ATP8A2: variants seen among roughly 807,000 people sequenced by gnomAD.
The protein encoded by ATP8A2 is phospholipid-transporting ATPase IB.
Under a neutral mutation model 165.6 loss-of-function variants are expected in ATP8A2, and 100 were observed. The observed-to-expected ratio is 0.60, with a 90% CI of 0.51 to 0.71. ATP8A2 has a LOEUF of 0.71. Among genes scored for constraint, ATP8A2 ranks in the 30% least tolerant of loss-of-function variants. The probability of loss-of-function intolerance (pLI) is 0.00; values close to 1 mark genes in which losing one functional copy is unlikely to be tolerated. For synonymous variants in ATP8A2, 543 were observed against 548.8 expected, an observed-to-expected ratio of 0.99 and a Z score of 0.15; for missense variants, 1,227 against 1,479.5, an observed-to-expected ratio of 0.83 and a Z score of 2.80.
chr13:25,654,377 G>A (rs569740905), intron 24 of ATP8A2, among the ~76,000 whole-genome samples: 22 of 152,088 alleles, frequency 1.4e-4, no homozygotes, highest in Non-Finnish European at 2.8e-4. Flanking sequence ...ACTAATATTT[G>A]TAATTTTTAT....
At chr13:25,494,883 G>T (rs2036628267) in intron 2 of ATP8A2, among the ~76,000 whole-genome samples, 1 of 152,182 alleles carries the variant, frequency 6.6e-6, no homozygotes, top group African/African-American at 2.4e-5. Flanking sequence ...CCGGAGCTTT[G>T]CAATGTCCTT....
At chr13:25,701,437 A>G (rs943862466) in intron 25 of ATP8A2, among the ~76,000 whole-genome samples, 8 of 152,084 alleles carry the variant, frequency 5.3e-5, no homozygotes, top group African/African-American at 1.9e-4. Flanking sequence ...TCCACACTGG[A>G]GGTTGTTACT....
At chr13:25,895,516 C>A (rs1228851698) in intron 33 of ATP8A2, among the ~76,000 whole-genome samples, 8 of 151,646 alleles carry the variant, frequency 5.3e-5, no homozygotes, top group Non-Finnish European at 7.4e-5. Flanking sequence ...TGTCTCTGCC[C>A]GGCTTTGGTA....
At chr13:25,541,822 G>T (rs781639075) in intron 8 of ATP8A2, 97 bp from the exon 9 acceptor site, 16 of 1,320,256 alleles carry the variant, frequency 1.2e-5, no homozygotes, top group Non-Finnish European at 1.7e-5. Flanking sequence ...CACTGGAGAT[G>T]CCTTATTTTT....
chr13:25,699,199 C>T lies in ATP8A2; in HGVS notation c.2238C>T (p.His746=). The T allele has an allele frequency of 6.2e-7, 1 of 1,609,986 alleles. No individual in the cohort carries two copies. The highest frequency in any genetic ancestry group is 8.5e-7 in the Non-Finnish European group (1 of 1,177,962). The change falls in exon 25 of 37, where the codon CAC becomes CAT. Residue 746 remains histidine, a synonymous_variant. Coordinates refer to ENST00000381655, the MANE Select transcript of ATP8A2 (RefSeq NM_016529.6). ...CCACAAGGGCAGCCATTACTCAGCA[C>T]TGCACTGACCTTGGGAATTTGCTGG... ...LDATRAAITQ[H]CTDLGNLLGK... is the part of the protein sequence containing the mutation.
intron 30 of ATP8A2, among the ~76,000 whole-genome samples, chr13:25,844,516 A>G (rs184946109): frequency 1.3e-5 from 2 of 152,180 alleles, no homozygotes; most frequent in Non-Finnish European, 2.9e-5. Flanking sequence ...GGTGTGAGCC[A>G]ATGCACCTGG....
At chr13:25,784,949 G>C (rs965297784) in intron 27 of ATP8A2, among the ~76,000 whole-genome samples, 4 of 151,676 alleles carry the variant, frequency 2.6e-5, no homozygotes, top group African/African-American at 4.8e-5. Context: ...TTTTTTAATA[G>C]AGATGGGGTT....
intron 2 of ATP8A2, among the ~76,000 whole-genome samples, chr13:25,511,165 G>A (rs2037212346): frequency 1.3e-5 from 2 of 152,182 alleles, no homozygotes; most frequent in Admixed American, 6.5e-5. Context: ...GTGAGGCAGT[G>A]TATCATGTTT....
chr13:25,789,773 C>G (rs2045120327), intron 27 of ATP8A2, among the ~76,000 whole-genome samples: 1 of 152,166 alleles, frequency 6.6e-6, no homozygotes, highest in Non-Finnish European at 1.5e-5. Flanking sequence ...ATAGCCAAGG[C>G]AATCCTAAGC....
intron 33 of ATP8A2, among the ~76,000 whole-genome samples, chr13:25,947,570 GT>G (rs2139131150): frequency 6.6e-6 from 1 of 152,294 alleles, no homozygotes; most frequent in South Asian, 2.1e-4. Flanking sequence ...CAGCTCAGAA[GT>G]CCCCTTTCAT....
intron 36 of ATP8A2, 92 bp downstream of exon 36, chr13:26,012,714 G>A (rs553076282): frequency 1.4e-3 from 354 of 257,136 alleles, no homozygotes; most frequent in Non-Finnish European, 1.2e-3. Flanking sequence ...CTGATGGGGG[G>A]CCGGGTGAGT....
At chr13:25,534,819 A>AG (rs1282853594) in intron 6 of ATP8A2, among the ~76,000 whole-genome samples, 1 of 152,228 alleles carries the variant, frequency 6.6e-6, no homozygotes, top group Non-Finnish European at 1.5e-5. Flanking sequence ...CACCGTCCAC[A>AG]GAGCTGCTGG....
At chr13:25,945,416 T>C (rs1291802002) in intron 33 of ATP8A2, among the ~76,000 whole-genome samples, 2 of 152,214 alleles carry the variant, frequency 1.3e-5, no homozygotes, top group African/African-American at 4.8e-5. Flanking sequence ...ATTCATTTCA[T>C]GAAAGAAAGA....
intron 2 of ATP8A2, among the ~76,000 whole-genome samples, chr13:25,514,019 A>AGGGAGAGGGAGG (rs2037383546): frequency 6.7e-6 from 1 of 149,344 alleles, no homozygotes; most frequent in African/African-American, 2.5e-5. Context: ...GGAGAGGGAG[A>AGGGAGAGGGAGG]GGGAGAGGGA....
chr13:25,865,535 C>A (rs756773843), intron 33 of ATP8A2, among the ~76,000 whole-genome samples: 73 of 152,144 alleles, frequency 4.8e-4, no homozygotes, highest in Non-Finnish European at 9.7e-4. Context: ...TTAAATATTT[C>A]TTTGTCTTGT....
chr13:25,514,379 T>C (rs2037397140), intron 2 of ATP8A2, among the ~76,000 whole-genome samples: 1 of 152,218 alleles, frequency 6.6e-6, no homozygotes, highest in Non-Finnish European at 1.5e-5. Context: ...AATCTCTTTT[T>C]TGTGGTGCAG....
In ATP8A2 at chr13:25,920,735, A is replaced by G. The variant is rs144263031; in HGVS notation, c.3184-40840A>G. Among the ~76,000 whole-genome samples, 1,170 of 152,248 alleles carry G rather than the reference A, an allele frequency of 7.7e-3. 11 individuals are homozygous for G. Among genetic ancestry groups the G allele is most frequent in the African/African-American group, 0.027 (1,110 of 41,540 alleles). ...CTTTGACAGACTCCTTTTCCTAAAT[A>G]CTGTCAACATTTCTTTATTTTGCTT... On this transcript the variant is annotated intron_variant, in intron 33 of 36. Coordinates refer to ENST00000381655, the MANE Select transcript of ATP8A2 (RefSeq NM_016529.6).
At chr13:26,005,148 A>G (rs998708577) in intron 35 of ATP8A2, among the ~76,000 whole-genome samples, 1 of 151,980 alleles carries the variant, frequency 6.6e-6, no homozygotes, top group African/African-American at 2.4e-5. Context: ...TAGAGATCCA[A>G]TCTCCTTCCT....
chr13:25,682,387 A>G (rs1383050232), intron 24 of ATP8A2, among the ~76,000 whole-genome samples: 1 of 152,162 alleles, frequency 6.6e-6, no homozygotes, highest in Non-Finnish European at 1.5e-5. Context: ...TTCCAGCCTA[A>G]GAGGCTGGAG....
Sources: allele counts gnomAD v4.1 joint callset (sites outside exome capture counted in the v4.1 genomes callset), GRCh38; gene constraint gnomAD v4.1.1; transcripts MANE v1.5; gene names NCBI Gene and HGNC (gene_info 2026-07-23, HGNC 2026-07-21).